The following RALGPS2 variants were observed in gnomAD, a reference collection of about 807,000 sequenced individuals.
The protein encoded by RALGPS2 is Ral GEF with PH domain and SH3 binding motif 2, also known as ras-specific guanine nucleotide-releasing factor RalGPS2.
Under a neutral mutation model 86.8 loss-of-function variants are expected in RALGPS2, and 43 were observed. That is an observed-to-expected ratio of 0.50 (90% confidence interval 0.39 to 0.64). The LOEUF (loss-of-function observed/expected upper bound fraction) is 0.64. Ranked by LOEUF, RALGPS2 falls within the 30% of genes least tolerant of loss-of-function variation. The pLI is 0.00. For missense variants in RALGPS2, 536 were observed against 694.6 expected (o/e 0.77, Z 2.57); for synonymous variants, 243 against 231.3 (o/e 1.05, Z -0.46).
chr1:178,833,466 T>C lies in RALGPS2; in HGVS notation c.523T>C (p.Tyr175His), dbSNP rs1656123759. The change falls in exon 8 of 20, where the codon TAT becomes CAT. Residue 175 changes from tyrosine (Y) to histidine (H), a missense_variant. By Grantham distance (83) the Tyr-to-His change is moderately conservative (BLOSUM62 2). This residue lies in a region of RALGPS2 where 184 missense variants were observed against 296.7 expected (regional missense o/e 0.62). Transcript: ENST00000367635. ...KDKTTFEKLE[Y>H]VMSKEDNYKR... ...CAAAACTACCTTTGAAAAATTAGAA[T>C]ATGTAATGAGTAAAGAAGATAACTA... The C allele has an allele frequency of 2.6e-6, 4 of 1,523,804 alleles. No individual in the cohort carries two copies. The highest frequency in any genetic ancestry group is 1.5e-5 in the African/African-American group (1 of 68,598). The allele number at this position is 1,523,804 out of a possible 1,614,324, so 94.4% of individuals were successfully genotyped here.
intron 19 of RALGPS2, among the ~76,000 whole-genome samples, chr1:178,909,643 A>ATTTTTTTT (rs57890269): frequency 9.0e-4 from 65 of 72,376 alleles, no homozygotes; most frequent in African/African-American, 2.3e-3. Context: ...TTCTTTTTTA[A>ATTTTTTTT]TTTTTTTTTT....
chr1:178,747,714 G>A, intron 1 of RALGPS2: 2 of 1,340,694 alleles, frequency 1.5e-6, no homozygotes, highest in Non-Finnish European at 2.1e-6. Flanking sequence ...GCGATGCTGA[G>A]CATCCAACTC....
chr1:178,758,779 T>A (rs1458774462), intron 1 of RALGPS2, among the ~76,000 whole-genome samples: 2 of 152,234 alleles, frequency 1.3e-5, no homozygotes, highest in African/African-American at 2.4e-5. Context: ...ATGTATAATA[T>A]TTTCTTTATC....
chr1:178,802,906 G>T (rs566467380), intron 4 of RALGPS2, among the ~76,000 whole-genome samples: 3 of 152,218 alleles, frequency 2.0e-5, no homozygotes, highest in East Asian at 3.9e-4. Context: ...TCCAAGCCAT[G>T]TGGTTTGTCT....
intron 4 of RALGPS2, among the ~76,000 whole-genome samples, chr1:178,790,660 G>A (rs1653908517): frequency 6.6e-6 from 1 of 152,162 alleles, no homozygotes; most frequent in Non-Finnish European, 1.5e-5. Flanking sequence ...TTGTTGACTA[G>A]CATCTGTGTT....
chr1:178,729,388 C>G (rs546111715), intron 1 of RALGPS2, among the ~76,000 whole-genome samples: 1 of 152,230 alleles, frequency 6.6e-6, no homozygotes, highest in East Asian at 1.9e-4. Context: ...GTACACTGTT[C>G]TCTTCCTAGC....
chr1:178,868,781 A>G (rs1658571055), intron 8 of RALGPS2, among the ~76,000 whole-genome samples: 1 of 152,004 alleles, frequency 6.6e-6, no homozygotes, highest in South Asian at 2.1e-4. Flanking sequence ...CTAAATTAGC[A>G]TTTAAAGGAG....
chr1:178,852,662 A>G (rs1558149934), intron 8 of RALGPS2: 4 of 1,598,376 alleles, frequency 2.5e-6, no homozygotes, highest in Non-Finnish European at 2.6e-6. Context: ...TCTACAAAGA[A>G]TGAAAGTTTT....
At chr1:178,856,202 G>GAGATATATATATATATATATATATATAT (rs1428022812) in intron 8 of RALGPS2, among the ~76,000 whole-genome samples, 7 of 83,910 alleles carry the variant, frequency 8.3e-5, no homozygotes, top group African/African-American at 4.5e-4. Flanking sequence ...GAGAGAGAGA[G>GAGATATATATATATATATATATATATAT]ATATATATAT....
chr1:178,895,027 A>G (rs1312127399), intron 16 of RALGPS2, among the ~76,000 whole-genome samples: 9 of 152,156 alleles, frequency 5.9e-5, no homozygotes, highest in Admixed American at 5.2e-4. Context: ...ATAACATAGA[A>G]TCCAAATATT....
intron 1 of RALGPS2, among the ~76,000 whole-genome samples, chr1:178,768,735 G>A (rs1274817544): frequency 1.3e-5 from 2 of 152,202 alleles, no homozygotes; most frequent in Non-Finnish European, 1.5e-5. Context: ...GTCCCCCAGT[G>A]GCAGGCACAA....
At chr1:178,903,427 G>A (rs768918688) in intron 18 of RALGPS2, among the ~76,000 whole-genome samples, 2 of 152,018 alleles carry the variant, frequency 1.3e-5, no homozygotes, top group Non-Finnish European at 2.9e-5. Context: ...GTGGTGATTT[G>A]TGAGATTTTG....
At chr1:178,874,887 A>G (rs1368809702) in intron 8 of RALGPS2, among the ~76,000 whole-genome samples, 1 of 152,180 alleles carries the variant, frequency 6.6e-6, no homozygotes, top group Non-Finnish European at 1.5e-5. Flanking sequence ...AAGTGCTGAG[A>G]TTACAGGCAT....
In RALGPS2 at chr1:178,784,535, CCT is replaced by C; in HGVS notation, c.162+16_162+17del. The stretch of plus-strand genomic sequence containing the variant: ...AGAAGAATATGCGGTAAGCCTCCTA[CCT>C]CTGTCTTCTCCGGTTTTGCACATAA... On this transcript the variant is annotated intron_variant, in intron 3 of 19. Coordinates refer to ENST00000367635, the MANE Select transcript of RALGPS2 (RefSeq NM_152663.5). 6.5e-7 allele frequency: 1 copy of C among 1,544,334 alleles called. No homozygotes were observed. Among genetic ancestry groups the C allele is most frequent in the Non-Finnish European group, 8.8e-7 (1 of 1,132,248 alleles).
chr1:178,862,630 T>G (rs79200696), intron 8 of RALGPS2, among the ~76,000 whole-genome samples: 32 of 145,582 alleles, frequency 2.2e-4, no homozygotes, highest in African/African-American at 6.1e-4. Context: ...TATTTATTTA[T>G]TTGGTTGGTT....
chr1:178,779,125 T>C (rs1222939035), intron 2 of RALGPS2, among the ~76,000 whole-genome samples: 1 of 152,134 alleles, frequency 6.6e-6, no homozygotes, highest in East Asian at 1.9e-4. Context: ...TCCACATATA[T>C]TAGAGGAAAC....
chr1:178,811,530 T>C (rs1051133148), intron 6 of RALGPS2, 126 bp downstream of exon 6: 2 of 667,894 alleles, frequency 3.0e-6, no homozygotes, highest in African/African-American at 3.8e-5. Flanking sequence ...TTGATATAAG[T>C]CAATTTTTAA....
chr1:178,742,146 A>G (rs1572274754), intron 1 of RALGPS2, among the ~76,000 whole-genome samples: 1 of 151,414 alleles, frequency 6.6e-6, no homozygotes. Flanking sequence ...AAAAAAAAAA[A>G]AAAAAGAAGA....
chr1:178,861,059 C>A (rs1657973596), intron 8 of RALGPS2, among the ~76,000 whole-genome samples: 1 of 152,172 alleles, frequency 6.6e-6, no homozygotes, highest in South Asian at 2.1e-4. Flanking sequence ...CAGTCCAGCA[C>A]TCTCATTATA....
Sources: allele counts gnomAD v4.1 joint callset (sites outside exome capture counted in the v4.1 genomes callset), GRCh38; gene constraint gnomAD v4.1.1; regional missense constraint gnomAD v4.1.1; transcripts MANE v1.5; gene names NCBI Gene and HGNC (gene_info 2026-07-23, HGNC 2026-07-21).